Variants in SLIT3 observed in about 807,000 individuals in gnomAD.
SLIT3 encodes slit guidance ligand 3, also known as slit homolog 3 protein.
Under a neutral mutation model 184.0 loss-of-function variants are expected in SLIT3, and 68 were observed. The observed-to-expected ratio is 0.37, with a 90% CI of 0.30 to 0.45. The LOEUF is 0.45. Among genes scored for constraint, SLIT3 ranks in the 20% least tolerant of loss-of-function variants. SLIT3 has a pLI of 1.00. For missense variants in SLIT3, 1,707 were observed against 2,026.0 expected (o/e 0.84, Z 3.02); for synonymous variants, 831 against 828.6 (o/e 1.00, Z -0.05).
intron 1 of SLIT3, among the ~76,000 whole-genome samples, chr5:169,268,504 T>C (rs968258980): frequency 2.6e-5 from 4 of 152,196 alleles, no homozygotes; most frequent in African/African-American, 9.6e-5. Context: ...CCAATTTGAA[T>C]GAGATATAAA....
At chr5:168,897,678 A>ACACACACACACACAC (rs55657719) in intron 4 of SLIT3, among the ~76,000 whole-genome samples, 1 of 120,100 alleles carries the variant, frequency 8.3e-6, no homozygotes, top group African/African-American at 2.9e-5. Flanking sequence ...ACACACACAC[A>ACACACACACACACAC]AAGGGACATA....
intron 4 of SLIT3, among the ~76,000 whole-genome samples, chr5:169,043,072 G>A (rs985901832): frequency 1.3e-5 from 2 of 152,076 alleles, no homozygotes; most frequent in Non-Finnish European, 2.9e-5. Context: ...TTATGTGACT[G>A]TCTCTGTACT....
At chr5:169,132,291 G>A (rs564676702) in intron 4 of SLIT3, among the ~76,000 whole-genome samples, 73 of 152,236 alleles carry the variant, frequency 4.8e-4, no homozygotes, top group African/African-American at 1.7e-3. Context: ...TTCTCAGCAA[G>A]TTTGTAAAGG....
At chr5:168,926,979 T>A (rs1297272692) in intron 4 of SLIT3, among the ~76,000 whole-genome samples, 1 of 152,134 alleles carries the variant, frequency 6.6e-6, no homozygotes, top group Non-Finnish European at 1.5e-5. Context: ...CTTCAAAACA[T>A]TAAAAAACAG....
chr5:169,204,658 C>A (rs780383017), intron 3 of SLIT3, among the ~76,000 whole-genome samples: 1 of 152,074 alleles, frequency 6.6e-6, no homozygotes, highest in African/African-American at 2.4e-5. Flanking sequence ...GTGGCAACAG[C>A]GGGAAGGCAG....
intron 4 of SLIT3, among the ~76,000 whole-genome samples, chr5:168,933,474 G>A (rs1353329605): frequency 1.3e-5 from 2 of 152,102 alleles, no homozygotes; most frequent in African/African-American, 4.8e-5. Flanking sequence ...CCCGGGAGGC[G>A]GAGGTTGCAG....
At chr5:168,991,120 C>T (rs903410343) in intron 4 of SLIT3, among the ~76,000 whole-genome samples, 2 of 152,202 alleles carry the variant, frequency 1.3e-5, no homozygotes, top group African/African-American at 4.8e-5. Context: ...ACTAGAAGCA[C>T]TTGCTTCCCA....
intron 4 of SLIT3, among the ~76,000 whole-genome samples, chr5:169,162,354 T>A (rs1762508070): frequency 6.6e-6 from 1 of 152,206 alleles, no homozygotes; most frequent in South Asian, 2.1e-4. Flanking sequence ...GTTTGAGATG[T>A]GCTGTGTATC....
intron 18 of SLIT3, 104 bp downstream of exon 18, chr5:168,752,847 GGACA>G: frequency 8.6e-7 from 1 of 1,159,510 alleles, no homozygotes; most frequent in Non-Finnish European, 1.2e-6. Flanking sequence ...GTTTTTAAGT[GGACA>G]GACAGATAGA....
chr5:168,671,663 T>C (rs1761251016), intron 33 of SLIT3, among the ~76,000 whole-genome samples, 180 bp from the exon 34 acceptor site: 1 of 152,234 alleles, frequency 6.6e-6, no homozygotes, highest in Non-Finnish European at 1.5e-5. Flanking sequence ...TCCTTGGTCC[T>C]GCACTGGGAC....
chr5:169,004,492 G>A (rs372615130), intron 4 of SLIT3, among the ~76,000 whole-genome samples: 10 of 152,142 alleles, frequency 6.6e-5, no homozygotes, highest in African/African-American at 1.4e-4. Context: ...TCCTCCAAGC[G>A]CTGAGTATGA....
At chr5:168,846,672 C>T (rs1358348219) in intron 5 of SLIT3, among the ~76,000 whole-genome samples, 1 of 152,190 alleles carries the variant, frequency 6.6e-6, no homozygotes. Context: ...TCTAAATCAT[C>T]ACATTGGGAA....
intron 4 of SLIT3, among the ~76,000 whole-genome samples, chr5:168,955,865 C>T (rs190377526): frequency 1.6e-3 from 248 of 152,244 alleles, no homozygotes; most frequent in African/African-American, 5.9e-3. Flanking sequence ...CCTTCCTGCC[C>T]CCACCAGAGT....
At chr5:169,205,763 A>G (rs767309280) in intron 3 of SLIT3, among the ~76,000 whole-genome samples, 7 of 152,250 alleles carry the variant, frequency 4.6e-5, no homozygotes, top group Non-Finnish European at 7.3e-5. Flanking sequence ...ATTTCACTTC[A>G]GCTGTTAAAA....
intron 4 of SLIT3, among the ~76,000 whole-genome samples, chr5:168,896,400 T>C (rs772924432): frequency 2.6e-5 from 4 of 152,162 alleles, no homozygotes; most frequent in Non-Finnish European, 5.9e-5. Context: ...TAAGTACTGG[T>C]TCTTATCAGT....
intron 20 of SLIT3, among the ~76,000 whole-genome samples, chr5:168,729,339 A>G (rs1404650109): frequency 6.6e-6 from 1 of 152,172 alleles, no homozygotes; most frequent in Non-Finnish European, 1.5e-5. Context: ...ATAGCATATT[A>G]TATTCAGAAT....
chr5:168,760,765 G>A, intron 16 of SLIT3, 97 bp downstream of exon 16: 1 of 876,870 alleles, frequency 1.1e-6, no homozygotes, highest in Non-Finnish European at 1.9e-6. Flanking sequence ...GTGGAGCAGA[G>A]GCTGGGGGAG....
intron 4 of SLIT3, among the ~76,000 whole-genome samples, chr5:169,193,030 G>C (rs145784845): frequency 1.3e-5 from 2 of 152,172 alleles, no homozygotes; most frequent in East Asian, 3.8e-4. Flanking sequence ...GACTGGCAGC[G>C]CTAGGAAGTG....
intron 4 of SLIT3, among the ~76,000 whole-genome samples, chr5:169,130,297 A>G (rs542976574): frequency 1.3e-5 from 2 of 152,376 alleles, no homozygotes; most frequent in Admixed American, 6.5e-5. Context: ...TATTTAAACA[A>G]AAGTCATGAC....
Sources: allele counts gnomAD v4.1 joint callset (sites outside exome capture counted in the v4.1 genomes callset), GRCh38; gene constraint gnomAD v4.1.1; transcripts MANE v1.5; gene names NCBI Gene and HGNC (gene_info 2026-07-23, HGNC 2026-07-21).